ADGRA3: variants seen among roughly 807,000 people sequenced by gnomAD.
ADGRA3 encodes the protein adhesion G protein-coupled receptor A3.
ADGRA3 carries 56 observed loss-of-function variants against 119.8 expected under a neutral mutation model. That is an observed-to-expected ratio of 0.47 (90% CI 0.38 to 0.58). ADGRA3 has a LOEUF of 0.58. ADGRA3 is among the 20% of genes least tolerant of loss of function. The probability of loss-of-function intolerance (pLI) is 0.00; values close to 1 mark genes in which losing one functional copy is unlikely to be tolerated. For synonymous variants in ADGRA3, 607 were observed against 623.8 expected (o/e 0.97, Z 0.40); for missense variants, 1,516 against 1,649.0 (o/e 0.92, Z 1.40).
chr4:22,473,738 A>C lies in ADGRA3; in HGVS notation c.329+34T>G, dbSNP rs1717937211. The C allele has an allele frequency of 4.0e-6, 5 of 1,265,058 alleles. No homozygotes were observed. The East Asian group carries it at 1.2e-4, about 30-fold the overall frequency. 78.4% of individuals were successfully genotyped at this position (1,265,058 alleles called of 1,614,324 possible). On this transcript the variant is annotated intron_variant, in intron 2 of 18. Coordinates refer to ENST00000334304, the MANE Select transcript of ADGRA3 (RefSeq NM_145290.4). Reference sequence around the variant, plus strand: ...TTTACAATGAAAATGCATTAAACAAAATAATAATGAGATGATAATTAAAGA... The same window carrying C: ...TTTACAATGAAAATGCATTAAACAACATAATAATGAGATGATAATTAAAGA...
chr4:22,413,273 C>A lies in ADGRA3; in HGVS notation c.2141G>T (p.Gly714Val). ...WDFDLLNGQG[G>V]WKSDGCHILY... Reference sequence around the variant, plus strand: ...TATATGGCACCCATCTGACTTCCAGCCTCCTTGTCCGTTCAGCAAATCGAA... The same window carrying A: ...TATATGGCACCCATCTGACTTCCAGACTCCTTGTCCGTTCAGCAAATCGAA... Residue 714 changes from glycine (G) to valine (V), a missense_variant, in exon 14 of 19, where the codon GGC (glycine) becomes GTC (valine). Physicochemically the swap from Gly to Val is moderately radical, Grantham distance 109. Around this residue, in one of 2 missense-constraint regions of ADGRA3, gnomAD observed 1,088 missense variants for 1,107.1 expected, o/e 0.98. Coordinates refer to ENST00000334304, the MANE Select transcript of ADGRA3 (RefSeq NM_145290.4). 6.2e-7 allele frequency: 1 copy of A among 1,614,100 alleles called. No homozygotes were observed. Among genetic ancestry groups the A allele is most frequent in the Non-Finnish European group, 8.5e-7 (1 of 1,179,976 alleles).
At chr4:22,440,035 T>C (rs1198969142) in intron 7 of ADGRA3, among the ~76,000 whole-genome samples, 1 of 152,210 alleles carries the variant, frequency 6.6e-6, no homozygotes, top group Non-Finnish European at 1.5e-5. Context: ...GTGTGCCTGC[T>C]AGACACTCTA....
intron 1 of ADGRA3, among the ~76,000 whole-genome samples, chr4:22,509,616 G>A (rs1035199710): frequency 2.6e-5 from 4 of 151,668 alleles, no homozygotes; most frequent in African/African-American, 7.3e-5. Context: ...GGACTGTTTC[G>A]TCTCCACCTG....
intron 12 of ADGRA3, 29 bp downstream of exon 12, chr4:22,420,857 G>C: frequency 6.3e-7 from 1 of 1,584,438 alleles, no homozygotes; most frequent in African/African-American, 1.3e-5. Context: ...ACTGTAAATA[G>C]TCTTAAATGA....
At chr4:22,405,296 T>G (rs958188059) in intron 14 of ADGRA3, among the ~76,000 whole-genome samples, 5 of 152,280 alleles carry the variant, frequency 3.3e-5, no homozygotes, top group African/African-American at 1.2e-4. Flanking sequence ...TTCAGAGTTT[T>G]GGGAGGCCCA....
chr4:22,511,549 T>TA (rs969528660), intron 1 of ADGRA3, among the ~76,000 whole-genome samples: 7 of 151,724 alleles, frequency 4.6e-5, no homozygotes, highest in Non-Finnish European at 7.4e-5. Context: ...TTTCATGATT[T>TA]AAAAAAAAAT....
chr4:22,510,748 T>C (rs920198630), intron 1 of ADGRA3, among the ~76,000 whole-genome samples: 8 of 152,132 alleles, frequency 5.3e-5, no homozygotes, highest in Non-Finnish European at 1.0e-4. Context: ...AAGTCCTAAC[T>C]TCTCCAGGAA....
chr4:22,481,352 G>A (rs1456162350), intron 1 of ADGRA3, among the ~76,000 whole-genome samples: 7 of 152,074 alleles, frequency 4.6e-5, no homozygotes, highest in Non-Finnish European at 8.8e-5. Context: ...CATGAAAACT[G>A]GTGACTCCCA....
intron 7 of ADGRA3, among the ~76,000 whole-genome samples, chr4:22,440,359 T>G (rs538852268): frequency 1.7e-4 from 26 of 152,286 alleles, no homozygotes; most frequent in African/African-American, 6.3e-4. Flanking sequence ...TTTCAACTCC[T>G]AAGAAAAATG....
intron 10 of ADGRA3, among the ~76,000 whole-genome samples, chr4:22,426,122 CCTCT>C (rs1192227026): frequency 6.6e-6 from 1 of 152,114 alleles, no homozygotes; most frequent in Non-Finnish European, 1.5e-5. Flanking sequence ...CCGAAATTGG[CCTCT>C]CTTTTAAGAT....
intron 14 of ADGRA3, among the ~76,000 whole-genome samples, chr4:22,412,150 T>A (rs1367116716): frequency 6.6e-6 from 1 of 152,120 alleles, no homozygotes; most frequent in African/African-American, 2.4e-5. Flanking sequence ...GAATCAGAAA[T>A]AACATAGAAG....
chr4:22,471,827 C>A (rs2109118323), intron 2 of ADGRA3, among the ~76,000 whole-genome samples: 1 of 152,266 alleles, frequency 6.6e-6, no homozygotes, highest in Non-Finnish European at 1.5e-5. Context: ...AAACATACCC[C>A]TGGCTGAAAA....
chr4:22,425,760 T>A (rs564298135), intron 10 of ADGRA3, among the ~76,000 whole-genome samples: 2 of 152,182 alleles, frequency 1.3e-5, no homozygotes, highest in African/African-American at 4.8e-5. Context: ...CGTATAATTA[T>A]GGGGGCTGAA....
chr4:22,474,209 A>G (rs1717959016), intron 1 of ADGRA3, among the ~76,000 whole-genome samples: 1 of 152,238 alleles, frequency 6.6e-6, no homozygotes, highest in Non-Finnish European at 1.5e-5. Flanking sequence ...ATGGAAACTT[A>G]GCAGAAAAAT....
intron 1 of ADGRA3, among the ~76,000 whole-genome samples, chr4:22,502,625 G>A (rs562236092): frequency 1.3e-5 from 2 of 152,078 alleles, no homozygotes; most frequent in African/African-American, 4.8e-5. Flanking sequence ...GTGGCTATGT[G>A]CAACAAGGAG....
At chr4:22,489,475 T>C (rs1377581046) in intron 1 of ADGRA3, among the ~76,000 whole-genome samples, 1 of 152,142 alleles carries the variant, frequency 6.6e-6, no homozygotes, top group Admixed American at 6.5e-5. Flanking sequence ...AACATGTATG[T>C]TTCCCCACAA....
At position 22,388,738 on chromosome 4, in the gene ADGRA3, A is replaced by G. The variant is rs762281496; in HGVS notation, c.2933T>C (p.Leu978Ser). Residue 978 changes from leucine to serine, a missense_variant, in exon 19 of 19, where the codon TTG (leucine) becomes TCG (serine). Leu to Ser is a moderately radical substitution (Grantham distance 145, BLOSUM62 -2). Around this residue, in one of 2 missense-constraint regions of ADGRA3, gnomAD observed 1,088 missense variants for 1,107.1 expected, o/e 0.98. Coordinates refer to ENST00000334304, the MANE Select transcript of ADGRA3 (RefSeq NM_145290.4). ...CAAGGCTGATGTAGAAATCAGAGAC[A>G]AAGACATTGAATCCTGATGATTTAT... ...GEINHQDSMSLSLISTSALEN... is the reference protein window; with the variant it reads ...GEINHQDSMSSSLISTSALEN... The G allele has an allele frequency of 8.7e-6, 14 of 1,613,962 alleles. No homozygotes were observed. The highest frequency in any genetic ancestry group is 1.2e-5 in the Non-Finnish European group (14 of 1,179,968).
At chr4:22,462,156 A>C (rs931161887) in intron 2 of ADGRA3, among the ~76,000 whole-genome samples, 30 of 152,258 alleles carry the variant, frequency 2.0e-4, no homozygotes, top group African/African-American at 6.5e-4. Context: ...TTTGAATATC[A>C]AAGTAAATCT....
chr4:22,489,648 A>G (rs1228126757), intron 1 of ADGRA3, among the ~76,000 whole-genome samples: 3 of 152,204 alleles, frequency 2.0e-5, no homozygotes, highest in Admixed American at 6.5e-5. Flanking sequence ...TCCAAATTCC[A>G]TAATAGAGAA....
Sources: gnomAD v4.1 joint callset for allele counts (sites outside exome capture counted in the v4.1 genomes callset) on GRCh38, gnomAD v4.1.1 for gene constraint, gnomAD v4.1.1 regional missense constraint, MANE v1.5 for transcripts, NCBI Gene and HGNC (gene_info 2026-07-23, HGNC 2026-07-21) for gene names.